Variants in IQSEC1 observed in about 807,000 individuals in gnomAD.
IQSEC1 encodes the protein IQ motif and Sec7 domain ArfGEF 1.
In IQSEC1, 31 loss-of-function variants were observed where a neutral mutation model predicts 91.0. The observed-to-expected ratio is 0.34, with a 90% CI of 0.26 to 0.46. IQSEC1 has a LOEUF of 0.46. IQSEC1 is among the 20% of genes least tolerant of loss of function. IQSEC1 has a pLI of 1.00. For synonymous variants in IQSEC1, 699 were observed against 662.6 expected (o/e 1.05, Z -0.84); for missense variants, 1,388 against 1,575.6 (o/e 0.88, Z 2.02).
chr3:13,249,710 G>T (rs575463845), intron 1 of IQSEC1, among the ~76,000 whole-genome samples: 70 of 152,140 alleles, frequency 4.6e-4, no homozygotes, highest in Non-Finnish European at 8.8e-4. Flanking sequence ...AAAACGAGGT[G>T]GGGGAGCCGG....
intron 1 of IQSEC1, among the ~76,000 whole-genome samples, chr3:12,981,629 A>T (rs1226250719): frequency 6.6e-6 from 1 of 152,258 alleles, no homozygotes; most frequent in Non-Finnish European, 1.5e-5. Context: ...AAAGCTAGAT[A>T]AAAAATTACC....
chr3:13,150,256 GA>G (rs1183085370), intron 2 of IQSEC1, among the ~76,000 whole-genome samples: 1 of 152,196 alleles, frequency 6.6e-6, no homozygotes, highest in African/African-American at 2.4e-5. Context: ...AGGCATCTAA[GA>G]AATTATACGG....
At chr3:13,120,500 C>G (rs905968942) in intron 2 of IQSEC1, among the ~76,000 whole-genome samples, 5 of 152,168 alleles carry the variant, frequency 3.3e-5, no homozygotes, top group Non-Finnish European at 5.9e-5. Flanking sequence ...TCCGTGTACT[C>G]CTCCCTAAGG....
In IQSEC1 at chr3:12,899,205, C is replaced by T. The variant is rs1259184752; in HGVS notation, c.*1778G>A. The T allele has an allele frequency of 3.1e-6, 2 of 643,174 alleles. No individual in the cohort carries two copies. The highest frequency in any genetic ancestry group is 5.6e-5 in the East Asian group (2 of 35,890). The allele number at this position is 643,174 out of a possible 1,614,324, so 39.8% of individuals were successfully genotyped here. A position where few individuals can be genotyped will look rare whatever the true frequency, so the allele number is the denominator to read the frequency against. ...GGAAATCGGCAAAACCCTGGCCAGC[C>T]AGCCAGCCAAGGTGACACACAGCCA... On this transcript the variant is annotated 3_prime_UTR_variant, in exon 14 of 14. Transcript: ENST00000613206.
At chr3:13,242,462 G>A (rs573067585) in intron 1 of IQSEC1, among the ~76,000 whole-genome samples, 1 of 152,340 alleles carries the variant, frequency 6.6e-6, no homozygotes, top group Admixed American at 6.5e-5. Context: ...AAAGTCACTT[G>A]TGCAGAGTGA....
intron 1 of IQSEC1, among the ~76,000 whole-genome samples, chr3:12,952,413 T>C (rs1699609661): frequency 6.6e-6 from 1 of 152,142 alleles, no homozygotes; most frequent in South Asian, 2.1e-4. Context: ...ATCGGGCTGC[T>C]CCGCCTTCAA....
intron 2 of IQSEC1, among the ~76,000 whole-genome samples, chr3:13,097,505 C>T (rs181147185): frequency 5.9e-5 from 9 of 152,302 alleles, no homozygotes; most frequent in Admixed American, 3.3e-4. Flanking sequence ...GGATTTCACA[C>T]GGCCTGCCAG....
chr3:13,236,319 G>T (rs1168773373), intron 1 of IQSEC1, among the ~76,000 whole-genome samples: 1 of 152,198 alleles, frequency 6.6e-6, no homozygotes, highest in Non-Finnish European at 1.5e-5. Context: ...GCCAACTGGG[G>T]TGAAGCACAC....
intron 1 of IQSEC1, among the ~76,000 whole-genome samples, chr3:12,946,713 A>G (rs954150648): frequency 8.2e-4 from 125 of 152,188 alleles, no homozygotes; most frequent in African/African-American, 2.7e-3. Flanking sequence ...GGACTATAAG[A>G]TGAATGTGAG....
chr3:13,208,626 AC>A (rs1694386360), intron 1 of IQSEC1, among the ~76,000 whole-genome samples: 1 of 152,186 alleles, frequency 6.6e-6, no homozygotes, highest in South Asian at 2.1e-4. Flanking sequence ...CTCTGGCCTG[AC>A]CCATAGCCAG....
In IQSEC1 at chr3:12,967,406, C is replaced by G. The variant is rs1054487734; in HGVS notation, c.24-25541G>C. On this transcript the variant is annotated intron_variant, in intron 1 of 13. Transcript: ENST00000613206. This position sits in a 1 kb window ranked among gnomAD's most constrained non-coding sequence, Gnocchi z 5.9. The stretch of plus-strand genomic sequence containing the variant: ...CCTCACCCGCTGTCAAGCTCTAGCT[C>G]CAGAAGGGACTGGGTCCTCTCCGAG... The G allele has an allele frequency of 3.9e-6, 6 of 1,535,844 alleles. No homozygotes were observed. The African/African-American group carries it at 6.9e-5, about 18-fold the overall frequency.
At chr3:12,971,732 C>CA (rs1700907563) in intron 1 of IQSEC1, among the ~76,000 whole-genome samples, 1 of 151,928 alleles carries the variant, frequency 6.6e-6, no homozygotes, top group African/African-American at 2.4e-5. Context: ...CCTCCAACAC[C>CA]AAAAAAAATT....
intron 1 of IQSEC1, among the ~76,000 whole-genome samples, chr3:12,955,856 C>T (rs1043871039): frequency 1.3e-5 from 2 of 152,150 alleles, no homozygotes; most frequent in Admixed American, 6.5e-5. Flanking sequence ...TCGGACTGCA[C>T]GGAGCTCTCT....
intron 1 of IQSEC1, among the ~76,000 whole-genome samples, chr3:13,256,202 G>A (rs1185537678): frequency 6.6e-6 from 1 of 152,206 alleles, no homozygotes; most frequent in African/African-American, 2.4e-5. Context: ...GAGACGGATA[G>A]TGGTGACGGT....
At chr3:13,046,149 C>T (rs1370452080) in intron 1 of IQSEC1, among the ~76,000 whole-genome samples, 7 of 152,222 alleles carry the variant, frequency 4.6e-5, no homozygotes, top group Admixed American at 3.3e-4. Context: ...CCCGCAGTCT[C>T]GAATCCTGAG....
intron 6 of IQSEC1, among the ~76,000 whole-genome samples, chr3:12,919,808 A>T (rs1012894300): frequency 6.6e-6 from 1 of 152,208 alleles, no homozygotes; most frequent in South Asian, 2.1e-4. Context: ...GCACAGAGCC[A>T]CTTGGGAGAA....
At chr3:13,232,928 G>A (rs1236845901) in intron 1 of IQSEC1, among the ~76,000 whole-genome samples, 3 of 152,140 alleles carry the variant, frequency 2.0e-5, no homozygotes, top group Non-Finnish European at 4.4e-5. Flanking sequence ...CTTGTGTGAG[G>A]TCCCTAGCAG....
At chr3:13,210,352 C>T (rs867430385) in intron 1 of IQSEC1, among the ~76,000 whole-genome samples, 1 of 152,128 alleles carries the variant, frequency 6.6e-6, no homozygotes. Flanking sequence ...CATCTAGCCC[C>T]GCACACTCAT....
At chr3:12,915,033 CG>C in intron 8 of IQSEC1, 70 bp downstream of exon 8, 7 of 1,479,428 alleles carry the variant, frequency 4.7e-6, no homozygotes, top group Non-Finnish European at 6.5e-6. Flanking sequence ...GGGGAGCCGG[CG>C]GACTGGCTGA....
Sources: gnomAD v4.1 joint callset for allele counts (sites outside exome capture counted in the v4.1 genomes callset) on GRCh38, gnomAD v4.1.1 for gene constraint, Gnocchi (gnomAD v3.1) non-coding constraint, MANE v1.5 for transcripts, NCBI Gene and HGNC (gene_info 2026-07-23, HGNC 2026-07-21) for gene names.